Variants in POC5 observed in about 807,000 individuals in gnomAD.
The protein encoded by POC5 is POC5 centriolar protein.
In POC5, 48 loss-of-function variants were observed where a neutral mutation model predicts 62.9. The observed-to-expected ratio is 0.76, with a 90% CI of 0.61 to 0.97. The LOEUF is 0.97. Ranked by LOEUF, POC5 falls within the 50% of genes least tolerant of loss-of-function variation. The probability of loss-of-function intolerance (pLI) is 0.00; values close to 1 mark genes in which losing one functional copy is unlikely to be tolerated. For synonymous variants in POC5, 236 were observed against 228.2 expected, an observed-to-expected ratio of 1.03 and a Z score of -0.31; for missense variants, 696 against 679.5, an observed-to-expected ratio of 1.02 and a Z score of -0.27.
At chr5:75,677,051 C>T (rs530429805) in intron 11 of POC5, among the ~76,000 whole-genome samples, 33 of 152,186 alleles carry the variant, frequency 2.2e-4, no homozygotes, top group African/African-American at 7.7e-4. Flanking sequence ...TAATACATCT[C>T]GTTTAATTTT....
At chr5:75,693,097 C>CGTT (rs367823453) in intron 6 of POC5, among the ~76,000 whole-genome samples, 2 of 147,148 alleles carry the variant, frequency 1.4e-5, no homozygotes, top group Non-Finnish European at 3.0e-5. Context: ...ACATATATAA[C>CGTT]ATATGTCATA....
chr5:75,695,829 C>G (rs1191968892), intron 5 of POC5, among the ~76,000 whole-genome samples: 4 of 152,078 alleles, frequency 2.6e-5, no homozygotes, highest in Non-Finnish European at 2.9e-5. Context: ...GAGTGCCAGA[C>G]AGTGGGCGCA....
intron 11 of POC5, 61 bp downstream of exon 11, chr5:75,677,713 C>A (rs2112069710): frequency 7.4e-7 from 1 of 1,353,784 alleles, no homozygotes; most frequent in East Asian, 2.6e-5. Flanking sequence ...TAAGTGTTTA[C>A]TAGTCTATGA....
At chr5:75,683,955 C>A (rs1375245520) in intron 10 of POC5, among the ~76,000 whole-genome samples, 1 of 152,224 alleles carries the variant, frequency 6.6e-6, no homozygotes, top group Non-Finnish European at 1.5e-5. Flanking sequence ...CCTTTCACCT[C>A]AGCCTCTCAA....
rs1775625308 is a variant in POC5 at position 75,675,704 on chromosome 5, A to C, written c.1585-1126T>G. Among the ~76,000 whole-genome samples the C allele has an allele frequency of 2.0e-5, 3 of 152,346 alleles. No individual in the cohort carries two copies. In the South Asian group the frequency reaches 6.2e-4, roughly 32 times the overall value. On this transcript the variant is annotated intron_variant, in intron 11 of 11. Transcript: ENST00000428202. ...AGAAATTTTAGTTGCCAGTCACCTA[A>C]TTAGTTGCCAGCCACTAACCTGAGC...
chr5:75,709,634 T>C (rs1281154103), intron 2 of POC5: 1 of 152,332 alleles, frequency 6.6e-6, no homozygotes, highest in South Asian at 2.1e-4. Flanking sequence ...AAAGTAACTA[T>C]GATTATTTAA....
intron 10 of POC5, among the ~76,000 whole-genome samples, chr5:75,681,224 T>C (rs1282012806): frequency 6.6e-6 from 1 of 152,170 alleles, no homozygotes; most frequent in Non-Finnish European, 1.5e-5. Flanking sequence ...ACTAATCGTG[T>C]CCTTAGGCAA....
At chr5:75,702,917 G>GA (rs1372221280) in intron 4 of POC5, 107 bp from the exon 5 acceptor site, 6 of 830,280 alleles carry the variant, frequency 7.2e-6, no homozygotes, top group African/African-American at 1.7e-5. Flanking sequence ...TGGAGGCTGA[G>GA]AAAAAATGCA....
At chr5:75,689,976 C>T (rs939442446) in intron 8 of POC5, among the ~76,000 whole-genome samples, 4 of 152,146 alleles carry the variant, frequency 2.6e-5, no homozygotes, top group Non-Finnish European at 5.9e-5. Flanking sequence ...ACTTCTGCCT[C>T]CCAGGTTCAA....
intron 4 of POC5, 153 bp from the exon 5 acceptor site, chr5:75,702,963 T>A: frequency 3.2e-6 from 2 of 631,428 alleles, no homozygotes; most frequent in Non-Finnish European, 5.5e-6. Flanking sequence ...TAATCTATTT[T>A]TAATTTCAGT....
chr5:75,696,529 G>C (rs1295892001), intron 5 of POC5, among the ~76,000 whole-genome samples: 2 of 151,692 alleles, frequency 1.3e-5, no homozygotes, highest in Admixed American at 6.6e-5. Context: ...CTAACAAACA[G>C]AAAGGACATC....
intron 8 of POC5, chr5:75,689,367 C>G: frequency 1.0e-6 from 1 of 985,000 alleles, no homozygotes; most frequent in African/African-American, 1.7e-5. Context: ...CATTCCTAAC[C>G]TTAAAATCAA....
In POC5 at chr5:75,716,380, G is replaced by A. The variant is rs1036778857; in HGVS notation, c.-15+926C>T. 6.2e-5 allele frequency among the ~76,000 whole-genome samples: 3 copies of A among 48,736 alleles called. No individual in the cohort carries two copies. In the East Asian group the frequency reaches 2.5e-3, roughly 41 times the overall value. 32.0% of individuals were successfully genotyped at this position (48,736 alleles called of 152,430 possible). On this transcript the variant is annotated intron_variant, in intron 1 of 11. Coordinates refer to ENST00000428202, the MANE Select transcript of POC5 (RefSeq NM_001099271.2). ...GGATTTGAGACCAGGCAGGTAACAG[G>A]GGTGGGGGGGGGGGGGTGCTGATTA...
intron 11 of POC5, 153 bp downstream of exon 11, chr5:75,677,621 T>TA (rs58777768): frequency 0.16 from 62,904 of 386,078 alleles, 408 homozygotes; most frequent in Non-Finnish European, 0.19. Context: ...GTATATATAT[T>TA]AAAAAAAAAA....
At chr5:75,711,649 T>C (rs552901150) in intron 2 of POC5, among the ~76,000 whole-genome samples, 1 of 152,302 alleles carries the variant, frequency 6.6e-6, no homozygotes, top group East Asian at 1.9e-4. Flanking sequence ...TAACACTGTA[T>C]GTACAGGGAA....
chr5:75,685,634 G>A, intron 9 of POC5, 150 bp from the exon 10 acceptor site: 1 of 793,396 alleles, frequency 1.3e-6, no homozygotes, highest in Non-Finnish European at 2.0e-6. Flanking sequence ...AGTTAATACA[G>A]TTTGTCAGTA....
chr5:75,712,546 G>A (rs1306850039), intron 2 of POC5: 4 of 1,199,182 alleles, frequency 3.3e-6, no homozygotes, highest in Non-Finnish European at 4.8e-6. Flanking sequence ...TAGCATTCAT[G>A]AGAGGTAGCT....
chr5:75,716,377 C>T (rs1156708056), intron 1 of POC5, among the ~76,000 whole-genome samples: 2 of 21,316 alleles, frequency 9.4e-5, no homozygotes, highest in Non-Finnish European at 1.7e-4. Flanking sequence ...AGGCAGGTAA[C>T]AGGGGTGGGG....
intron 5 of POC5, among the ~76,000 whole-genome samples, chr5:75,702,166 G>T (rs917874769): frequency 6.6e-6 from 1 of 152,034 alleles, no homozygotes; most frequent in Non-Finnish European, 1.5e-5. Context: ...CTGTCAGGGG[G>T]TGGAGGGTAA....
Sources: gnomAD v4.1 joint callset for allele counts (sites outside exome capture counted in the v4.1 genomes callset) on GRCh38, gnomAD v4.1.1 for gene constraint, MANE v1.5 for transcripts, NCBI Gene and HGNC (gene_info 2026-07-23, HGNC 2026-07-21) for gene names.